IL10RB: variants seen among roughly 807,000 people sequenced by gnomAD.
The protein encoded by IL10RB is interleukin-10 receptor subunit beta.
IL10RB carries 30 observed loss-of-function variants against 38.7 expected under a neutral mutation model. That is an observed-to-expected ratio of 0.78 (90% confidence interval 0.58 to 1.05). IL10RB has a LOEUF of 1.05. IL10RB is among the 50% of genes least tolerant of loss of function. IL10RB has a pLI of 0.00. For missense variants in IL10RB, 328 were observed against 397.1 expected, an observed-to-expected ratio of 0.83 and a Z score of 1.48; for synonymous variants, 142 against 145.9, an observed-to-expected ratio of 0.97 and a Z score of 0.19.
intron 2 of IL10RB, among the ~76,000 whole-genome samples, chr21:33,271,104 C>T (rs1568903321): frequency 6.6e-6 from 1 of 152,198 alleles, no homozygotes; most frequent in Non-Finnish European, 1.5e-5. Context: ...AGGTCTCCCC[C>T]GCGTGGAACT....
chr21:33,288,949 G>T (rs991837287), intron 6 of IL10RB, among the ~76,000 whole-genome samples: 8 of 152,198 alleles, frequency 5.3e-5, no homozygotes, highest in Non-Finnish European at 1.0e-4. Flanking sequence ...TATTCAAAAG[G>T]CTTGATGGGG....
intron 6 of IL10RB, among the ~76,000 whole-genome samples, chr21:33,290,388 A>G (rs1034565691): frequency 4.6e-5 from 7 of 152,236 alleles, no homozygotes; most frequent in Non-Finnish European, 7.3e-5. Context: ...CCACTTAAAT[A>G]TAATCATTTA....
intron 2 of IL10RB, among the ~76,000 whole-genome samples, chr21:33,272,516 G>A (rs181511391): frequency 9.1e-4 from 138 of 152,240 alleles, no homozygotes; most frequent in African/African-American, 3.2e-3. Flanking sequence ...GTGCAATCAC[G>A]TCTCACTGCA....
chr21:33,297,540 A>G (rs1039210216), downstream of IL10RB, among the ~76,000 whole-genome samples: 6 of 152,210 alleles, frequency 3.9e-5, no homozygotes, highest in Non-Finnish European at 8.8e-5. Context: ...GGGAGTCTCC[A>G]GGTACAATGG....
At chr21:33,274,144 G>C (rs1989129657) in intron 2 of IL10RB, among the ~76,000 whole-genome samples, 1 of 152,144 alleles carries the variant, frequency 6.6e-6, no homozygotes, top group South Asian at 2.1e-4. Flanking sequence ...ATCTATGGCA[G>C]CTATAACTTT....
At chr21:33,298,296 T>C (rs2082975824), downstream of IL10RB, among the ~76,000 whole-genome samples, 1 of 151,664 alleles carries the variant, frequency 6.6e-6, no homozygotes, top group South Asian at 2.1e-4. Flanking sequence ...TGAAACTTTT[T>C]TCAATGTTTG....
At chr21:33,277,330 G>T (rs28499433) in intron 3 of IL10RB, among the ~76,000 whole-genome samples, 260 of 124,760 alleles carry the variant, frequency 2.1e-3, no homozygotes, top group African/African-American at 7.1e-3. Flanking sequence ...GTGAGACTTG[G>T]TCTCAAAAAA....
intron 6 of IL10RB, among the ~76,000 whole-genome samples, chr21:33,293,014 C>G (rs1371075958): frequency 1.3e-5 from 2 of 152,214 alleles, no homozygotes; most frequent in Admixed American, 1.3e-4. Context: ...AACCCTGAGG[C>G]CTCCACAGCA....
At chr21:33,303,968 T>C (rs527293092) in intron 1 of IL10RB, among the ~76,000 whole-genome samples, 3 of 151,836 alleles carry the variant, frequency 2.0e-5, no homozygotes, top group South Asian at 2.1e-4. Flanking sequence ...TGGGAGGAAA[T>C]GAGTAGGATG....
intron 6 of IL10RB, among the ~76,000 whole-genome samples, chr21:33,291,914 AGCCT>A (rs1989496387): frequency 6.6e-6 from 1 of 152,176 alleles, no homozygotes; most frequent in Non-Finnish European, 1.5e-5. Flanking sequence ...GCCCACGCGC[AGCCT>A]CCATCCCTGC....
At chr21:33,269,871 G>T (rs975210080) in intron 2 of IL10RB, among the ~76,000 whole-genome samples, 2 of 152,118 alleles carry the variant, frequency 1.3e-5, no homozygotes, top group Non-Finnish European at 2.9e-5. Context: ...TGTTAGCCAG[G>T]ATGGTCACTA....
chr21:33,294,945 C>G (rs1989562035), intron 6 of IL10RB, among the ~76,000 whole-genome samples: 1 of 152,122 alleles, frequency 6.6e-6, no homozygotes, highest in Non-Finnish European at 1.5e-5. Flanking sequence ...CTTAAGGAGC[C>G]CTGGCTACAG....
intron 2 of IL10RB, among the ~76,000 whole-genome samples, chr21:33,272,018 C>T (rs534066673): frequency 7.9e-5 from 12 of 152,026 alleles, no homozygotes; most frequent in African/African-American, 2.9e-4. Flanking sequence ...AATATGGCCA[C>T]ATGTGAGAAA....
At chr21:33,302,703 T>C (rs2082988915) in intron 1 of IL10RB, among the ~76,000 whole-genome samples, 1 of 152,076 alleles carries the variant, frequency 6.6e-6, no homozygotes, top group Non-Finnish European at 1.5e-5. Flanking sequence ...AGGACGGCTT[T>C]TGGGCTCAGA....
downstream of IL10RB, among the ~76,000 whole-genome samples, chr21:33,300,834 C>G (rs969830553): frequency 1.3e-5 from 2 of 152,208 alleles, no homozygotes; most frequent in African/African-American, 2.4e-5. Context: ...GCGACTCCAT[C>G]TTGAAGAGGG....
chr21:33,282,309 G>C (rs1385485563), intron 4 of IL10RB, among the ~76,000 whole-genome samples: 1 of 152,148 alleles, frequency 6.6e-6, no homozygotes, highest in Non-Finnish European at 1.5e-5. Context: ...AAGGTGGGCA[G>C]ATCACCTGAG....
At chr21:33,293,913 G>A (rs1029255647) in intron 6 of IL10RB, 5 of 459,166 alleles carry the variant, frequency 1.1e-5, no homozygotes, top group Non-Finnish European at 2.3e-5. Context: ...AAAGAATGAG[G>A]GTGGGCCCTT....
In IL10RB at chr21:33,278,615, G is replaced by A. The variant is rs576267288; in HGVS notation, c.332-1137G>A. ...ACACGGTTAAGCAGCTTGTCAAAAA[G>A]TCATACAGGTCATGAGTGGCTGAGC... On this transcript the variant is annotated intron_variant, in intron 3 of 6. Coordinates refer to ENST00000290200, the MANE Select transcript of IL10RB (RefSeq NM_000628.5). Among the ~76,000 whole-genome samples the A allele has an allele frequency of 5.3e-5, 8 of 152,274 alleles. No individual in the cohort carries two copies. In the South Asian group the frequency reaches 1.7e-3, roughly 32 times the overall value.
At chr21:33,306,221 C>CA (rs999690410) in intron 1 of IL10RB, among the ~76,000 whole-genome samples, 70 of 152,164 alleles carry the variant, frequency 4.6e-4, no homozygotes, top group African/African-American at 1.6e-3. Context: ...GGAAGGCCTA[C>CA]AGCACCCAGG....
Sources: allele counts gnomAD v4.1 joint callset (sites outside exome capture counted in the v4.1 genomes callset), GRCh38; gene constraint gnomAD v4.1.1; transcripts MANE v1.5; gene names NCBI Gene and HGNC (gene_info 2026-07-23, HGNC 2026-07-21).